EXOC4: variants seen among roughly 807,000 people sequenced by gnomAD.
EXOC4 encodes the protein exocyst complex component 4, also known as SEC8-like 1.
In EXOC4, 71 loss-of-function variants were observed where a neutral mutation model predicts 107.2. The ratio of observed to expected loss-of-function variants is 0.66; its 90% confidence interval spans 0.55 to 0.81. The LOEUF (loss-of-function observed/expected upper bound fraction) is 0.81, where lower values mean the gene tolerates loss of function less well. Ranked by LOEUF, EXOC4 falls within the 30% of genes least tolerant of loss-of-function variation. The pLI is 0.00. For synonymous variants in EXOC4, 456 were observed against 441.2 expected (o/e 1.03, Z -0.42); for missense variants, 1,108 against 1,189.6 (o/e 0.93, Z 1.01).
At chr7:133,716,227 A>G (rs1340454335) in intron 10 of EXOC4, among the ~76,000 whole-genome samples, 2 of 152,232 alleles carry the variant, frequency 1.3e-5, no homozygotes, top group South Asian at 2.1e-4. Context: ...GCAGGGCACT[A>G]CAGAGTGCTG....
chr7:133,567,721 A>G (rs557765713), intron 9 of EXOC4, among the ~76,000 whole-genome samples: 43 of 152,178 alleles, frequency 2.8e-4, no homozygotes, highest in African/African-American at 8.4e-4. Context: ...TGGCACTGGC[A>G]TCTGGTGAGG....
chr7:133,624,728 G>T (rs1802414258), intron 9 of EXOC4, among the ~76,000 whole-genome samples: 1 of 152,054 alleles, frequency 6.6e-6, no homozygotes, highest in Non-Finnish European at 1.5e-5. Flanking sequence ...GAGTAGCTGG[G>T]ATTACAGGCA....
At chr7:133,710,135 A>T (rs2151095635) in intron 10 of EXOC4, among the ~76,000 whole-genome samples, 1 of 152,254 alleles carries the variant, frequency 6.6e-6, no homozygotes, top group African/African-American at 2.4e-5. Context: ...TTTAGAGAAT[A>T]CTTGGGAGGA....
intron 7 of EXOC4, among the ~76,000 whole-genome samples, chr7:133,437,575 C>T (rs1241738825): frequency 2.0e-5 from 3 of 152,190 alleles, no homozygotes; most frequent in Non-Finnish European, 4.4e-5. Context: ...TCTTTGTTAC[C>T]ATTTTAAGAT....
intron 10 of EXOC4, among the ~76,000 whole-genome samples, chr7:133,796,738 C>T (rs1344786580): frequency 6.6e-6 from 1 of 152,148 alleles, no homozygotes; most frequent in African/African-American, 2.4e-5. Context: ...AGCCTAGTGA[C>T]AGAGCAAGAC....
chr7:133,792,865 T>C (rs976268604), intron 10 of EXOC4, among the ~76,000 whole-genome samples: 94 of 152,248 alleles, frequency 6.2e-4, no homozygotes, highest in African/African-American at 2.1e-3. Flanking sequence ...AATAATAGAA[T>C]AGTCAATGGC....
At chr7:133,970,399 A>G (rs192053479) in intron 14 of EXOC4, among the ~76,000 whole-genome samples, 91 of 152,112 alleles carry the variant, frequency 6.0e-4, no homozygotes, top group Middle Eastern at 3.4e-3. Flanking sequence ...GTATGAAAAA[A>G]AAAATCCTGT....
At chr7:133,924,087 G>T (rs1799998874) in intron 13 of EXOC4, among the ~76,000 whole-genome samples, 1 of 151,968 alleles carries the variant, frequency 6.6e-6, no homozygotes, top group African/African-American at 2.4e-5. Flanking sequence ...TTAGGATAAA[G>T]GTCAGGCCAC....
At chr7:133,582,048 C>T (rs1585011984) in intron 9 of EXOC4, among the ~76,000 whole-genome samples, 2 of 152,200 alleles carry the variant, frequency 1.3e-5, no homozygotes, top group South Asian at 4.1e-4. Context: ...CTACCAGGCC[C>T]CTCCCCTGAC....
intron 7 of EXOC4, among the ~76,000 whole-genome samples, chr7:133,377,254 T>G (rs1023323626): frequency 6.6e-6 from 1 of 152,074 alleles, no homozygotes; most frequent in Admixed American, 6.5e-5. Context: ...CTCAGGAAGC[T>G]GAGGCAGCAG....
intron 17 of EXOC4, among the ~76,000 whole-genome samples, chr7:134,042,691 C>G (rs1795548307): frequency 6.6e-6 from 1 of 152,186 alleles, no homozygotes; most frequent in Non-Finnish European, 1.5e-5. Context: ...TGACCTGGAC[C>G]TCATCTTTTC....
At chr7:133,562,949 T>C (rs955014099) in intron 9 of EXOC4, among the ~76,000 whole-genome samples, 8 of 152,166 alleles carry the variant, frequency 5.3e-5, no homozygotes, top group Non-Finnish European at 1.2e-4. Context: ...AATGCACTGG[T>C]CTGCTGGGAT....
rs1170121832 is a variant in EXOC4, at chr7:133,890,611, G to A, written c.1735-4988G>A. Reference sequence around the variant, plus strand: ...GAATTGATTTTTGTATAAGGTGTAAGGAAGGGATCCAGTTTCAGCTTTCTA... The same window carrying A: ...GAATTGATTTTTGTATAAGGTGTAAAGAAGGGATCCAGTTTCAGCTTTCTA... On this transcript the variant is annotated intron_variant, in intron 11 of 17. Transcript: ENST00000253861. 4.6e-4 allele frequency among the ~76,000 whole-genome samples: 43 copies of A among 92,734 alleles called. 1 individual carries two copies. The highest frequency in any genetic ancestry group is 4.3e-3 in the East Asian group (14 of 3,292). The allele number at this position is 92,734 out of a possible 152,430, so 60.8% of individuals were successfully genotyped here.
chr7:133,873,152 AT>A (rs1161854993), intron 11 of EXOC4, among the ~76,000 whole-genome samples: 1 of 152,208 alleles, frequency 6.6e-6, no homozygotes, highest in Non-Finnish European at 1.5e-5. Flanking sequence ...CTACAAAAAA[AT>A]TTAGCCAGTT....
intron 10 of EXOC4, among the ~76,000 whole-genome samples, chr7:133,756,289 G>A (rs1044835518): frequency 3.9e-5 from 6 of 152,100 alleles, no homozygotes; most frequent in African/African-American, 9.7e-5. Flanking sequence ...TAAGGTAAAG[G>A]GTGGGGGTAT....
intron 6 of EXOC4, among the ~76,000 whole-genome samples, chr7:133,372,786 A>T (rs1050718100): frequency 1.3e-5 from 2 of 152,244 alleles, no homozygotes; most frequent in Non-Finnish European, 2.9e-5. Flanking sequence ...AATGTCATGG[A>T]TCAATATGGT....
chr7:133,386,006 C>T (rs1796717970), intron 7 of EXOC4, among the ~76,000 whole-genome samples: 1 of 150,942 alleles, frequency 6.6e-6, no homozygotes, highest in African/African-American at 2.4e-5. Context: ...TGATTGTTTT[C>T]TAATTGTGAA....
chr7:133,527,255 T>A lies in EXOC4; in HGVS notation c.1417+47117T>A, dbSNP rs543319142. ...CCTGTCTCTACTAAAAATACAAAAA[T>A]TAGCCGAGCATGGTGATGGGTGCCT... On this transcript the variant is annotated intron_variant, in intron 9 of 17. Coordinates refer to ENST00000253861, the MANE Select transcript of EXOC4 (RefSeq NM_021807.4). Among the ~76,000 whole-genome samples the A allele has an allele frequency of 2.4e-4, 37 of 151,730 alleles. 1 individual carries two copies. In the Middle Eastern group the frequency reaches 0.01, roughly 42 times the overall value.
At chr7:133,982,076 G>A (rs1159028277) in intron 14 of EXOC4, among the ~76,000 whole-genome samples, 1 of 152,130 alleles carries the variant, frequency 6.6e-6, no homozygotes, top group Non-Finnish European at 1.5e-5. Context: ...ACACAGAAGG[G>A]AACAACAGAC....
Sources: allele counts gnomAD v4.1 joint callset (sites outside exome capture counted in the v4.1 genomes callset), GRCh38; gene constraint gnomAD v4.1.1; transcripts MANE v1.5; gene names NCBI Gene and HGNC (gene_info 2026-07-23, HGNC 2026-07-21).